Variants in RHOBTB1 observed in about 807,000 individuals in gnomAD.
The protein encoded by RHOBTB1 is Rho related BTB domain containing 1.
In RHOBTB1, 40 loss-of-function variants were observed where a neutral mutation model predicts 71.6. That is an observed-to-expected ratio of 0.56 (90% CI 0.43 to 0.73). The LOEUF (loss-of-function observed/expected upper bound fraction) is 0.73, where lower values mean the gene tolerates loss of function less well. Ranked by LOEUF, RHOBTB1 falls within the 30% of genes least tolerant of loss-of-function variation. RHOBTB1 has a pLI of 0.00. For synonymous variants in RHOBTB1, 319 were observed against 334.9 expected (o/e 0.95, Z 0.52); for missense variants, 797 against 894.0 (o/e 0.89, Z 1.38).
At chr10:60,911,312 T>C (rs1379186521) in intron 3 of RHOBTB1, 39 bp downstream of exon 3, 4 of 1,558,924 alleles carry the variant, frequency 2.6e-6, no homozygotes, top group African/African-American at 2.7e-5. Context: ...CCAGCAATGA[T>C]GTGCCCTAGG....
chr10:60,871,088 T>A lies in RHOBTB1; in HGVS notation c.*394A>T, dbSNP rs2080757203. 1 of 162,590 alleles carries A rather than the reference T, an allele frequency of 6.2e-6. No individual in the cohort carries two copies. Among genetic ancestry groups the A allele is most frequent in the Non-Finnish European group, 1.3e-5 (1 of 74,902 alleles). The allele number at this position is 162,590 out of a possible 1,614,324, so 10.1% of individuals were successfully genotyped here. On this transcript the variant is annotated 3_prime_UTR_variant, in exon 11 of 11. Transcript: ENST00000337910. Reference sequence around the variant, plus strand: ...ATCAATTGTGGCCTGTAAAATAAAGTAATACACAGTATTTTCATTTCAACA... The same window carrying A: ...ATCAATTGTGGCCTGTAAAATAAAGAAATACACAGTATTTTCATTTCAACA...
chr10:60,996,377 C>T (rs1022950476), intron 1 of RHOBTB1, among the ~76,000 whole-genome samples: 1 of 152,166 alleles, frequency 6.6e-6, no homozygotes, highest in Non-Finnish European at 1.5e-5. Context: ...CTTCAGATGT[C>T]TTCCCACCCA....
chr10:60,888,775 A>C lies in RHOBTB1; in HGVS notation c.893T>G (p.Met298Arg). 6.2e-7 allele frequency: 1 copy of C among 1,614,192 alleles called. No individual in the cohort carries two copies. Among genetic ancestry groups the C allele is most frequent in the Non-Finnish European group, 8.5e-7 (1 of 1,180,030 alleles). Reference sequence around the variant, plus strand: ...CCCATTTGGGGATTCTTCACATTCCATTAAAAACAGATCATAAAATTTGGA... The same window carrying C: ...CCCATTTGGGGATTCTTCACATTCCCTTAAAAACAGATCATAAAATTTGGA... ...SSSKFYDLFL[M>R]ECEESPNGSE... is the part of the protein sequence containing the mutation. Residue 298 changes from methionine to arginine, a missense_variant, in exon 6 of 11, where the codon ATG becomes AGG. By Grantham distance (91) the Met-to-Arg change is moderately conservative. This residue lies in a region of RHOBTB1 where 658 missense variants were observed against 681.5 expected (regional missense o/e 0.97). Transcript: ENST00000337910.
At chr10:60,877,519 TA>T (rs2081102965) in intron 8 of RHOBTB1, among the ~76,000 whole-genome samples, 1 of 152,238 alleles carries the variant, frequency 6.6e-6, no homozygotes, top group African/African-American at 2.4e-5. Context: ...TCTGTTTTCC[TA>T]AACAGTGCAT....
upstream of RHOBTB1, among the ~76,000 whole-genome samples, chr10:60,944,848 G>T (rs921298350): frequency 6.6e-6 from 1 of 152,152 alleles, no homozygotes; most frequent in Non-Finnish European, 1.5e-5. Context: ...TTGGCGGGAG[G>T]GGTCCCCCCA....
rs374188749 is a variant in RHOBTB1, at chr10:60,871,701, T to G, written c.1922-50A>C. On this transcript the variant is annotated intron_variant, in intron 10 of 10. Coordinates refer to ENST00000337910, the MANE Select transcript of RHOBTB1 (RefSeq NM_014836.5). ...TAAGACCTGCGGTTCATTGATGCCT[T>G]TTATGTGCTAGGCCTTGAGCTTAAA... The G allele has an allele frequency of 1.7e-5, 27 of 1,553,174 alleles. No homozygotes were observed. In the African/African-American group the frequency reaches 3.7e-4, roughly 21 times the overall value.
intron 9 of RHOBTB1, among the ~76,000 whole-genome samples, chr10:60,874,291 C>T (rs920809319): frequency 6.6e-6 from 1 of 152,208 alleles, no homozygotes; most frequent in African/African-American, 2.4e-5. Context: ...TGTAAGAGGG[C>T]TTACACTCTT....
chr10:60,973,732 A>T (rs980337985), intron 2 of RHOBTB1, among the ~76,000 whole-genome samples: 1 of 151,936 alleles, frequency 6.6e-6, no homozygotes, highest in African/African-American at 2.4e-5. Flanking sequence ...AATAAGCAAA[A>T]TAATTAAGTA....
upstream of RHOBTB1, among the ~76,000 whole-genome samples, chr10:61,001,636 C>G (rs901298453): frequency 1.3e-5 from 2 of 152,054 alleles, no homozygotes; most frequent in Non-Finnish European, 2.9e-5. Context: ...CCCTCCACAT[C>G]CTCGCGGCCT....
chr10:60,945,074 A>T (rs555492268), upstream of RHOBTB1, among the ~76,000 whole-genome samples: 48 of 152,206 alleles, frequency 3.2e-4, no homozygotes, highest in Non-Finnish European at 6.6e-4. Context: ...ATGCATTCAC[A>T]TAAATGCTTA....
chr10:60,987,920 T>A (rs1019667836), intron 1 of RHOBTB1, among the ~76,000 whole-genome samples: 4 of 13,616 alleles, frequency 2.9e-4, no homozygotes, highest in African/African-American at 9.2e-4. Context: ...AATACTCAAC[T>A]TTTTTTTTTT....
At chr10:60,895,654 T>C (rs2082129037) in intron 4 of RHOBTB1, among the ~76,000 whole-genome samples, 1 of 152,272 alleles carries the variant, frequency 6.6e-6, no homozygotes, top group Non-Finnish European at 1.5e-5. Context: ...TCCACCCACC[T>C]TGGCCTCCCA....
chr10:60,905,235 G>A lies in RHOBTB1; in HGVS notation c.296+5652C>T, dbSNP rs1293915787. Among the ~76,000 whole-genome samples the A allele has an allele frequency of 2.0e-5, 3 of 151,728 alleles. No homozygotes were observed. The East Asian group carries it at 5.8e-4, about 29-fold the overall frequency. ...GGAAGCCAAGGCGGGCAGATCACAA[G>A]GTCAGCAGTTCGAGACCACCCTGGC... On this transcript the variant is annotated intron_variant, in intron 4 of 10. Coordinates refer to ENST00000337910, the MANE Select transcript of RHOBTB1 (RefSeq NM_014836.5).
intron 1 of RHOBTB1, among the ~76,000 whole-genome samples, chr10:60,991,823 G>C (rs965434139): frequency 6.6e-6 from 1 of 152,082 alleles, no homozygotes; most frequent in Non-Finnish European, 1.5e-5. Context: ...TCTAGTTGAT[G>C]CCTGTGCATC....
At chr10:60,905,964 T>C (rs1430322499) in intron 4 of RHOBTB1, among the ~76,000 whole-genome samples, 1 of 152,226 alleles carries the variant, frequency 6.6e-6, no homozygotes, top group African/African-American at 2.4e-5. Context: ...GGTGTGTTCA[T>C]TCGTGTCTGA....
chr10:60,903,376 T>A (rs772538441), intron 4 of RHOBTB1, among the ~76,000 whole-genome samples: 1 of 152,086 alleles, frequency 6.6e-6, no homozygotes, highest in African/African-American at 2.4e-5. Flanking sequence ...ATGAGTCTAG[T>A]AACCAACCCC....
chr10:60,993,156 G>T (rs2086927286), intron 1 of RHOBTB1, among the ~76,000 whole-genome samples: 1 of 152,050 alleles, frequency 6.6e-6, no homozygotes, highest in African/African-American at 2.4e-5. Context: ...TAAGAAAATG[G>T]AGAAAACCCA....
intron 2 of RHOBTB1, among the ~76,000 whole-genome samples, chr10:60,913,130 A>G (rs2083078650): frequency 6.6e-6 from 1 of 152,258 alleles, no homozygotes. Context: ...ATATATAGAA[A>G]GAATATTAAG....
intron 6 of RHOBTB1, among the ~76,000 whole-genome samples, chr10:60,886,718 G>GT (rs1564799887): frequency 1.1e-5 from 1 of 89,890 alleles, no homozygotes; most frequent in East Asian, 5.4e-4. Context: ...TAAGAGATGT[G>GT]GGGGGGGGTG....
Sources: gnomAD v4.1 joint callset for allele counts (sites outside exome capture counted in the v4.1 genomes callset) on GRCh38, gnomAD v4.1.1 for gene constraint, gnomAD v4.1.1 regional missense constraint, MANE v1.5 for transcripts, NCBI Gene and HGNC (gene_info 2026-07-23, HGNC 2026-07-21) for gene names.